The following LSM14B variants were observed in gnomAD, a reference collection of about 807,000 sequenced individuals.
LSM14B encodes protein LSM14 homolog B.
A neutral mutation model predicts 42.1 loss-of-function variants in LSM14B; 8 were observed. The observed-to-expected ratio is 0.19, with a 90% confidence interval of 0.11 to 0.34. LSM14B has a LOEUF of 0.34. Ranked by LOEUF, LSM14B falls within the 10% of genes least tolerant of loss-of-function variation. The pLI is 1.00. For missense variants in LSM14B, 396 were observed against 513.1 expected, an observed-to-expected ratio of 0.77 and a Z score of 2.21; for synonymous variants, 219 against 209.7, an observed-to-expected ratio of 1.04 and a Z score of -0.38.
chr20:62,133,666 G>A (rs535311382), intron 8 of LSM14B, among the ~76,000 whole-genome samples, 191 bp downstream of exon 8: 2 of 152,340 alleles, frequency 1.3e-5, no homozygotes, highest in South Asian at 4.1e-4. Flanking sequence ...ACCTGCATCT[G>A]TGGGGGTAGG....
intron 3 of LSM14B, among the ~76,000 whole-genome samples, chr20:62,128,405 G>A (rs952614682): frequency 6.2e-4 from 94 of 152,216 alleles, no homozygotes; most frequent in African/African-American, 2.2e-3. Flanking sequence ...TTTCCTTATG[G>A]CACACAGCTG....
chr20:62,128,848 G>T, intron 3 of LSM14B: 4 of 847,374 alleles, frequency 4.7e-6, no homozygotes, highest in Admixed American at 6.1e-5. Flanking sequence ...TTTCTATTCC[G>T]TAAAAGCAGT....
chr20:62,131,689 G>C (rs1018910990), intron 7 of LSM14B, among the ~76,000 whole-genome samples, 183 bp downstream of exon 7: 3 of 152,162 alleles, frequency 2.0e-5, no homozygotes, highest in Admixed American at 6.5e-5. Context: ...AGCCTCTTGG[G>C]GATCCCGACC....
chr20:62,131,150 G>A (rs1168424640), intron 6 of LSM14B, among the ~76,000 whole-genome samples: 1 of 152,346 alleles, frequency 6.6e-6, no homozygotes, highest in Admixed American at 6.5e-5. Context: ...GTGAAAATGG[G>A]TGGGATAAGG....
rs1168595651 is a variant in LSM14B, at chr20:62,122,907, AACCC to A, written c.127+120_127+123del. 3 of 1,021,718 alleles carry A rather than the reference AACCC, an allele frequency of 2.9e-6. No homozygotes were observed. Among genetic ancestry groups the A allele is most frequent in the Non-Finnish European group, 3.7e-6 (3 of 801,206 alleles). The allele number at this position is 1,021,718 out of a possible 1,614,324, so 63.3% of individuals were successfully genotyped here. A position where few individuals can be genotyped will look rare whatever the true frequency, so the allele number is the denominator to read the frequency against. ...AGCCTGGCGCCCAGACCCCGCCCAG[AACCC>A]ACCCAGGGCACACCCGGCCCGAGAT... On this transcript the variant is annotated intron_variant, in intron 1 of 8. Transcript: ENST00000279068. The surrounding 1 kb of genome is among the most constrained non-coding windows in gnomAD (Gnocchi z 4.6).
chr20:62,128,898 G>A (rs770645631), intron 3 of LSM14B: 26 of 1,244,524 alleles, frequency 2.1e-5, no homozygotes, highest in South Asian at 6.3e-5. Flanking sequence ...TGGGCTGTTC[G>A]TCTAATAATA....
In LSM14B at chr20:62,130,498, A is replaced by G. The variant is rs767364198; in HGVS notation, c.674-32A>G. On this transcript the variant is annotated intron_variant, in intron 5 of 8. Coordinates refer to ENST00000279068, the MANE Select transcript of LSM14B (RefSeq NM_144703.3). This position sits in a 1 kb window ranked among gnomAD's most constrained non-coding sequence, Gnocchi z 4.1. ...TTTGAGATCACTGGGTTGGTGACCTACTTCAGCCAGGGCTGTCCTTTGTCC... is the reference window on the plus strand; with the variant it reads ...TTTGAGATCACTGGGTTGGTGACCTGCTTCAGCCAGGGCTGTCCTTTGTCC... The G allele has an allele frequency of 4.4e-6, 7 of 1,608,720 alleles. No homozygotes were observed. The highest frequency in any genetic ancestry group is 1.7e-5 in the Admixed American group (1 of 59,406).
Position 62,130,599 on chromosome 20 carries a change from A to T in LSM14B, c.743A>T (p.Lys248Ile), listed in dbSNP as rs1401023096. ...RPTNVKENTIKFEGDFDFESA... is the reference protein window; with the variant it reads ...RPTNVKENTIIFEGDFDFESA... ...ACTAACGTTAAGGAAAACACAATCA[A>T]ATTTGAGGGTGACTTTGATTTCGAG... The change falls in exon 6 of 9, where the codon AAA becomes ATA. Residue 248 changes from lysine to isoleucine, a missense_variant. By Grantham distance (102) the Lys-to-Ile change is moderately radical (BLOSUM62 -3). This residue lies in a region of LSM14B where 274 missense variants were observed against 335.8 expected (regional missense o/e 0.82). Coordinates refer to ENST00000279068, the MANE Select transcript of LSM14B (RefSeq NM_144703.3). The surrounding 1 kb of genome is among the most constrained non-coding windows in gnomAD (Gnocchi z 4.1). 6.2e-7 allele frequency: 1 copy of T among 1,613,968 alleles called. No homozygotes were observed. Among genetic ancestry groups the T allele is most frequent in the African/African-American group, 1.3e-5 (1 of 75,064 alleles).
chr20:62,131,386 A>G lies in LSM14B; in HGVS notation c.866A>G (p.Asp289Gly). The change falls in exon 7 of 9, where the codon GAC (aspartate) becomes GGC (glycine). Residue 289 changes from aspartate (D) to glycine (G), a missense_variant. Transcript: ENST00000279068. ...AAGGCTGAGAAGGGGGAAGAGAAGG[A>G]CCTGGCTGTGGTGACCCAGAGTGCC... is the stretch of plus-strand genomic sequence containing the variant. ...DDKAEKGEEKDLAVVTQSAEA... is the reference protein window; with the variant it reads ...DDKAEKGEEKGLAVVTQSAEA... 6.2e-7 allele frequency: 1 copy of G among 1,609,404 alleles called. No homozygotes were observed. The highest frequency in any genetic ancestry group is 8.5e-7 in the Non-Finnish European group (1 of 1,177,478).
intron 6 of LSM14B, 98 bp from the exon 7 acceptor site, chr20:62,131,258 T>TGAG (rs2056757738): frequency 7.4e-7 from 1 of 1,360,532 alleles, no homozygotes; most frequent in Non-Finnish European, 9.9e-7. Context: ...TGTCTTAGCT[T>TGAG]GAGGGTGGCT....
In LSM14B at chr20:62,128,874, G is replaced by GTCT. The variant is rs2145618069; in HGVS notation, c.428-908_428-906dup. 2.6e-5 allele frequency: 27 copies of GTCT among 1,050,714 alleles called. No individual in the cohort carries two copies. In the South Asian group the frequency reaches 3.1e-4, roughly 12 times the overall value. The allele number at this position is 1,050,714 out of a possible 1,614,324, so 65.1% of individuals were successfully genotyped here. A position where few individuals can be genotyped will look rare whatever the true frequency, so the allele number is the denominator to read the frequency against. ...TAAAAGCAGTAAGATGAGATGCCCA[G>GTCT]TCTTCATGTGTATTGGGCTGTTCGT... On this transcript the variant is annotated intron_variant, in intron 3 of 8. Transcript: ENST00000279068.
At position 62,124,600 on chromosome 20, in the gene LSM14B, C is replaced by G; in HGVS notation, c.128-17C>G. The G allele has an allele frequency of 6.2e-7, 1 of 1,611,538 alleles. No individual in the cohort carries two copies. The highest frequency in any genetic ancestry group is 1.1e-5 in the South Asian group (1 of 90,896). ...GGCTGAGGACAACAATAACGCTTCT[C>G]TTTCTCCACTCATAAGTGAGGTCCT... On this transcript the variant is annotated splice_polypyrimidine_tract_variant and intron_variant, in intron 1 of 8. Transcript: ENST00000279068.
Position 62,131,480 on chromosome 20 carries a change from C to T in LSM14B, c.960C>T (p.Asp320=). 6.2e-7 allele frequency: 1 copy of T among 1,613,738 alleles called. No homozygotes were observed. The highest frequency in any genetic ancestry group is 8.5e-7 in the Non-Finnish European group (1 of 1,179,880). Reference sequence around the variant, plus strand: ...ATGACAAATCCAAGTCGTTCTTCGACAACATCTCTTCTGAACTCAAGACCA... The same window carrying T: ...ATGACAAATCCAAGTCGTTCTTCGATAACATCTCTTCTGAACTCAAGACCA... The part of the protein sequence containing the change: ...CYYDKSKSFF[D]NISSELKTSS... The change falls in exon 7 of 9, where the codon GAC becomes GAT. Residue 320 remains aspartate, a synonymous_variant. Coordinates refer to ENST00000279068, the MANE Select transcript of LSM14B (RefSeq NM_144703.3).
intron 3 of LSM14B, chr20:62,128,176 C>G: frequency 3.0e-6 from 1 of 336,526 alleles, no homozygotes; most frequent in Non-Finnish European, 5.7e-6. Context: ...TGGACAGTAT[C>G]AGCCTGATGG....
Position 62,131,339 on chromosome 20 carries a change from TCTG to T in LSM14B, c.836-14_836-12del, listed in dbSNP as rs770270583. 1 of 1,576,958 alleles carries T rather than the reference TCTG, an allele frequency of 6.3e-7. No individual in the cohort carries two copies. The highest frequency in any genetic ancestry group is 1.4e-5 in the African/African-American group (1 of 73,954). On this transcript the variant is annotated splice_polypyrimidine_tract_variant and intron_variant, in intron 6 of 8. Coordinates refer to ENST00000279068, the MANE Select transcript of LSM14B (RefSeq NM_144703.3). The stretch of plus-strand genomic sequence containing the variant: ...CTGCCCCTCCTCCATCTCCACGTGT[TCTG>T]CTTCTTTTTGTAGATGACAAGGCTG...
intron 7 of LSM14B, among the ~76,000 whole-genome samples, chr20:62,132,050 G>A (rs993815177): frequency 1.3e-5 from 2 of 152,268 alleles, no homozygotes; most frequent in African/African-American, 4.8e-5. Flanking sequence ...GGGCCCATTT[G>A]TCCTGCAGAT....
Position 62,130,388 on chromosome 20 carries a change from CA to C in LSM14B, c.673+93del. 6.5e-7 allele frequency: 1 copy of C among 1,530,738 alleles called. No homozygotes were observed. The highest frequency in any genetic ancestry group is 8.9e-7 in the Non-Finnish European group (1 of 1,127,440). 94.8% of individuals were successfully genotyped at this position (1,530,738 alleles called of 1,614,324 possible). A position where few individuals can be genotyped will look rare whatever the true frequency, so the allele number is the denominator to read the frequency against. Reference sequence around the variant, plus strand: ...TGCCTGCTTCTCTGGTTGACGGTTTCAGGGGTGCTGGTGTGAAGTCGCTGCT... The same window carrying C: ...TGCCTGCTTCTCTGGTTGACGGTTTCGGGGTGCTGGTGTGAAGTCGCTGCT... On this transcript the variant is annotated intron_variant, in intron 5 of 8. Coordinates refer to ENST00000279068, the MANE Select transcript of LSM14B (RefSeq NM_144703.3). This position sits in a 1 kb window ranked among gnomAD's most constrained non-coding sequence, Gnocchi z 4.1.
chr20:62,129,133 C>CCCTT, intron 3 of LSM14B: 2 of 545,884 alleles, frequency 3.7e-6, no homozygotes, highest in Non-Finnish European at 6.0e-6. Context: ...TAGGCATAGC[C>CCCTT]CCTTGCCAAA....
Position 62,128,886 on chromosome 20 carries a change from A to G in LSM14B, c.428-899A>G, listed in dbSNP as rs181021881. The stretch of plus-strand genomic sequence containing the variant: ...GATGAGATGCCCAGTCTTCATGTGT[A>G]TTGGGCTGTTCGTCTAATAATAATT... On this transcript the variant is annotated intron_variant, in intron 3 of 8. Transcript: ENST00000279068. The G allele has an allele frequency of 8.5e-6, 10 of 1,169,800 alleles. No individual in the cohort carries two copies. The Admixed American group carries it at 1.4e-4, about 16-fold the overall frequency. The allele number at this position is 1,169,800 out of a possible 1,614,324, so 72.5% of individuals were successfully genotyped here.
Sources: allele counts gnomAD v4.1 joint callset (sites outside exome capture counted in the v4.1 genomes callset), GRCh38; gene constraint gnomAD v4.1.1; regional missense constraint gnomAD v4.1.1; non-coding constraint Gnocchi (gnomAD v3.1); transcripts MANE v1.5; gene names NCBI Gene and HGNC (gene_info 2026-07-23, HGNC 2026-07-21).